The following FRMD8 variants were observed in gnomAD, a reference collection of about 807,000 sequenced individuals.
The protein encoded by FRMD8 is FERM domain containing 8.
A neutral mutation model predicts 54.2 loss-of-function variants in FRMD8; 37 were observed. The observed-to-expected ratio is 0.68, with a 90% CI of 0.53 to 0.90. FRMD8 has a LOEUF of 0.90. Ranked by LOEUF, FRMD8 falls within the 40% of genes least tolerant of loss-of-function variation. FRMD8 has a pLI of 0.00. For synonymous variants in FRMD8, 246 were observed against 286.9 expected, an observed-to-expected ratio of 0.86 and a Z score of 1.44; for missense variants, 585 against 653.7, an observed-to-expected ratio of 0.89 and a Z score of 1.15.
At position 65,386,698 on chromosome 11, in the gene FRMD8, C is replaced by T. The variant is rs1287202438; in HGVS notation, c.-64C>T. 9.7e-6 allele frequency: 3 copies of T among 309,828 alleles called. No homozygotes were observed. Among genetic ancestry groups the T allele is most frequent in the Non-Finnish European group, 1.2e-5 (2 of 168,280 alleles). 19.2% of individuals were successfully genotyped at this position (309,828 alleles called of 1,614,324 possible). A position where few individuals can be genotyped will look rare whatever the true frequency, so the allele number is the denominator to read the frequency against. On this transcript the variant is annotated 5_prime_UTR_variant, in exon 1 of 11. Coordinates refer to ENST00000317568, the MANE Select transcript of FRMD8 (RefSeq NM_031904.5). ...CGAGTGCGGGCGGTGGCGGGCTTGG[C>T]GGCGGGGCAGGATTCCAGGCAGGAG...
chr11:65,376,689 A>G, the FRMD8 span: 2 of 1,613,596 alleles, frequency 1.2e-6, no homozygotes, highest in African/African-American at 1.3e-5. Flanking sequence ...GGGCAGAGAG[A>G]GCCCAGAGCA....
chr11:65,385,484 G>A (rs1215257917), upstream of FRMD8, among the ~76,000 whole-genome samples: 1 of 152,174 alleles, frequency 6.6e-6, no homozygotes, highest in Non-Finnish European at 1.5e-5. Context: ...CTCTGTTCCT[G>A]ATCACCAAGC....
intron 3 of FRMD8, among the ~76,000 whole-genome samples, chr11:65,392,948 A>G (rs977530215): frequency 6.6e-6 from 1 of 152,194 alleles, no homozygotes; most frequent in African/African-American, 2.4e-5. Context: ...GGCACAAGCA[A>G]GCTGGGGATG....
upstream of FRMD8, among the ~76,000 whole-genome samples, chr11:65,383,980 G>A (rs1373573094): frequency 6.6e-6 from 1 of 152,112 alleles, no homozygotes; most frequent in Non-Finnish European, 1.5e-5. Context: ...GTTTGCCAAA[G>A]TAGGACAGCA....
chr11:65,377,535 G>A, the FRMD8 span: 37 of 507,128 alleles, frequency 7.3e-5, no homozygotes, highest in South Asian at 1.7e-3. Context: ...GTTCTCCTGC[G>A]CCCACCTCTC....
chr11:65,376,284 G>A, the FRMD8 span: 2 of 1,248,332 alleles, frequency 1.6e-6, no homozygotes, highest in Admixed American at 2.2e-5. Context: ...CGGGTGGGAG[G>A]CACCTTGGTT....
chr11:65,370,059 A>AT, the FRMD8 span, among the ~76,000 whole-genome samples: 1 of 151,032 alleles, frequency 6.6e-6, no homozygotes, highest in Non-Finnish European at 1.5e-5. Flanking sequence ...AAATAAATAA[A>AT]ATATAAATAA....
the FRMD8 span, among the ~76,000 whole-genome samples, chr11:65,369,113 C>T: frequency 6.6e-6 from 1 of 152,126 alleles, no homozygotes; most frequent in Non-Finnish European, 1.5e-5. Flanking sequence ...ATCTTGGACC[C>T]GCCCCAAGCC....
At chr11:65,396,715 C>T in intron 6 of FRMD8, 84 bp from the exon 7 acceptor site, 1 of 859,150 alleles carries the variant, frequency 1.2e-6, no homozygotes, top group Admixed American at 3.5e-5. Flanking sequence ...CTGCTTCCTC[C>T]AGGCAGCCTT....
At chr11:65,393,478 T>G (rs1855881464) in intron 3 of FRMD8, 95 bp from the exon 4 acceptor site, 2 of 858,042 alleles carry the variant, frequency 2.3e-6, no homozygotes, top group Admixed American at 3.8e-5. Flanking sequence ...TACTATTGGT[T>G]GCGACTGTCG....
intron 9 of FRMD8, among the ~76,000 whole-genome samples, chr11:65,402,519 A>C (rs1361076018): frequency 6.6e-6 from 1 of 152,122 alleles, no homozygotes; most frequent in Non-Finnish European, 1.5e-5. Flanking sequence ...CCTTTATAAT[A>C]AGTCTTGAAA....
the FRMD8 span, among the ~76,000 whole-genome samples, chr11:65,374,339 C>A: frequency 6.7e-6 from 1 of 148,718 alleles, no homozygotes; most frequent in African/African-American, 2.5e-5. Flanking sequence ...TAGCCATGTG[C>A]CCAGGTGGAG....
At chr11:65,384,829 C>T (rs1160466893), upstream of FRMD8, among the ~76,000 whole-genome samples, 1 of 152,210 alleles carries the variant, frequency 6.6e-6, no homozygotes, top group African/African-American at 2.4e-5. Flanking sequence ...CCTCCCACCT[C>T]AGGCTCCTGA....
At chr11:65,402,490 C>T (rs1354240143) in intron 9 of FRMD8, among the ~76,000 whole-genome samples, 1 of 152,150 alleles carries the variant, frequency 6.6e-6, no homozygotes, top group Non-Finnish European at 1.5e-5. Context: ...GATAATCACA[C>T]TATATATTGA....
At position 65,387,043 on chromosome 11, in the gene FRMD8, G is replaced by A. The variant is rs1317743332; in HGVS notation, c.7G>A (p.Gly3Arg). 4 of 1,609,008 alleles carry A rather than the reference G, an allele frequency of 2.5e-6. No individual in the cohort carries two copies. Among genetic ancestry groups the A allele is most frequent in the Middle Eastern group, 3.3e-4 (2 of 6,052 alleles). The change falls in exon 2 of 11, where the codon GGG (glycine) becomes AGG (arginine). Residue 3 changes from glycine (G) to arginine (R), a missense_variant. Coordinates refer to ENST00000317568, the MANE Select transcript of FRMD8 (RefSeq NM_031904.5). ...TTTCTCTTTGCCTTTGCAGATGGAC[G>A]GGACAGAAGGCAGTGCCGGGCAGCC... MD[G>R]TEGSAGQPGP...
intron 10 of FRMD8, among the ~76,000 whole-genome samples, chr11:65,407,075 T>C (rs986696662): frequency 5.9e-5 from 9 of 152,170 alleles, no homozygotes; most frequent in African/African-American, 2.2e-4. Context: ...ACTGTGTCAG[T>C]GTTCATTCCT....
intron 7 of FRMD8, 119 bp downstream of exon 7, chr11:65,397,139 G>A (rs757429906): frequency 1.8e-6 from 1 of 558,290 alleles, no homozygotes; most frequent in African/African-American, 2.0e-5. Context: ...ATGAAGTGGT[G>A]TCTTGTCACG....
At chr11:65,371,003 C>A in the FRMD8 span, among the ~76,000 whole-genome samples, 1 of 152,122 alleles carries the variant, frequency 6.6e-6, no homozygotes, top group Admixed American at 6.6e-5. Context: ...GAGGCATCGG[C>A]CTGGGCTGGG....
At chr11:65,373,999 T>C in the FRMD8 span, among the ~76,000 whole-genome samples, 2 of 147,088 alleles carry the variant, frequency 1.4e-5, 1 homozygote. Flanking sequence ...GCTAAACTGT[T>C]GCAACAAGGG....
Sources: allele counts gnomAD v4.1 joint callset (sites outside exome capture counted in the v4.1 genomes callset), GRCh38; gene constraint gnomAD v4.1.1; transcripts MANE v1.5; gene names NCBI Gene and HGNC (gene_info 2026-07-23, HGNC 2026-07-21).